Variants in TTC27 observed in about 807,000 individuals in gnomAD.
TTC27 encodes the protein tetratricopeptide repeat protein 27.
Under a neutral mutation model 115.9 loss-of-function variants are expected in TTC27, and 79 were observed. The observed-to-expected ratio is 0.68, with a 90% confidence interval of 0.57 to 0.82. TTC27 has a LOEUF of 0.82. Among genes scored for constraint, TTC27 ranks in the 40% least tolerant of loss-of-function variants. The probability of loss-of-function intolerance (pLI) is 0.00; values close to 1 mark genes in which losing one functional copy is unlikely to be tolerated. For synonymous variants in TTC27, 401 were observed against 356.0 expected (o/e 1.13, Z -1.42); for missense variants, 1,054 against 993.1 (o/e 1.06, Z -0.82).
At chr2:32,709,380 T>C (rs1667498958) in intron 10 of TTC27, among the ~76,000 whole-genome samples, 1 of 152,168 alleles carries the variant, frequency 6.6e-6, no homozygotes, top group African/African-American at 2.4e-5. Context: ...TTGATACAGG[T>C]TCAGTCTCCC....
chr2:32,650,122 T>C lies in TTC27; in HGVS notation c.538-9T>C. ...CTTTTATTTCAGCTTACGTGGTGTT[T>C]TTTCCTAGAGCTTGCCATGGTGGAC... On this transcript the variant is annotated splice_polypyrimidine_tract_variant and intron_variant, in intron 4 of 19. Transcript: ENST00000317907. 6.2e-7 allele frequency: 1 copy of C among 1,611,056 alleles called. No homozygotes were observed. Among genetic ancestry groups the C allele is most frequent in the Non-Finnish European group, 8.5e-7 (1 of 1,178,056 alleles).
At chr2:32,791,645 C>T (rs948758598) in intron 16 of TTC27, among the ~76,000 whole-genome samples, 2 of 152,112 alleles carry the variant, frequency 1.3e-5, no homozygotes, top group African/African-American at 4.8e-5. Flanking sequence ...ATGTCAAAAG[C>T]ACATTTTCCC....
chr2:32,777,345 C>G (rs1197572760), intron 13 of TTC27, among the ~76,000 whole-genome samples: 1 of 152,244 alleles, frequency 6.6e-6, no homozygotes, highest in Non-Finnish European at 1.5e-5. Flanking sequence ...ACCCCAATAC[C>G]AAAATCCATG....
chr2:32,701,377 CT>C (rs1667179765), intron 9 of TTC27, among the ~76,000 whole-genome samples: 2 of 152,110 alleles, frequency 1.3e-5, no homozygotes, highest in African/African-American at 4.8e-5. Context: ...CTTAATTTAG[CT>C]ATTTAAATGA....
chr2:32,701,947 GC>G (rs1667198054), intron 9 of TTC27, among the ~76,000 whole-genome samples: 1 of 151,406 alleles, frequency 6.6e-6, no homozygotes. Context: ...GGAAGCCGAA[GC>G]TGTAGCTTGC....
intron 5 of TTC27, among the ~76,000 whole-genome samples, chr2:32,661,648 C>G (rs1665552213): frequency 6.6e-6 from 1 of 152,182 alleles, no homozygotes; most frequent in South Asian, 2.1e-4. Context: ...AGTTGCTTAT[C>G]AGCTTAAGGA....
intron 16 of TTC27, among the ~76,000 whole-genome samples, chr2:32,808,089 C>A (rs1422700046): frequency 6.6e-6 from 1 of 152,020 alleles, no homozygotes; most frequent in African/African-American, 2.4e-5. Flanking sequence ...CCCACCACCA[C>A]ACCCTGCTAA....
Position 32,736,701 on chromosome 2 carries a change from T to C in TTC27, c.1337T>C (p.Leu446Pro), listed in dbSNP as rs781233187. Residue 446 changes from leucine to proline, a missense_variant, in exon 12 of 20, where the codon CTT becomes CCT. By Grantham distance (98) the Leu-to-Pro change is moderately conservative. Coordinates refer to ENST00000317907, the MANE Select transcript of TTC27 (RefSeq NM_017735.5). The part of the protein sequence containing the change: ...VPPHWAIQRQ[L>P]ASLLFELGCT... The stretch of plus-strand genomic sequence containing the variant: ...TTTACTTGATTTTTCTAGCGCCAAC[T>C]TGCAAGTTTGCTCTTTGAGTTGGGA... 1 of 1,613,826 alleles carries C rather than the reference T, an allele frequency of 6.2e-7. No individual in the cohort carries two copies. Among genetic ancestry groups the C allele is most frequent in the East Asian group, 2.2e-5 (1 of 44,866 alleles).
intron 13 of TTC27, among the ~76,000 whole-genome samples, chr2:32,771,247 A>G (rs1055816958): frequency 1.3e-5 from 2 of 152,222 alleles, no homozygotes; most frequent in African/African-American, 2.4e-5. Context: ...TAGGTGTCTA[A>G]CATATTTCCT....
intron 5 of TTC27, among the ~76,000 whole-genome samples, chr2:32,657,910 G>T (rs1301022339): frequency 6.6e-6 from 1 of 151,842 alleles, no homozygotes; most frequent in Admixed American, 6.6e-5. Flanking sequence ...GCTCACTGCA[G>T]CCTCCACCTT....
At chr2:32,749,228 C>G (rs1210502507) in intron 12 of TTC27, among the ~76,000 whole-genome samples, 1 of 152,170 alleles carries the variant, frequency 6.6e-6, no homozygotes, top group Non-Finnish European at 1.5e-5. Context: ...TTTCACTGAA[C>G]AAGCTTAGAA....
intron 4 of TTC27, among the ~76,000 whole-genome samples, chr2:32,644,399 A>G (rs1430931283): frequency 6.7e-6 from 1 of 150,066 alleles, no homozygotes; most frequent in African/African-American, 2.4e-5. Flanking sequence ...TAATATATAT[A>G]CTGTCAACAA....
At chr2:32,738,274 T>C (rs1019373194) in intron 12 of TTC27, among the ~76,000 whole-genome samples, 12 of 152,206 alleles carry the variant, frequency 7.9e-5, no homozygotes, top group African/African-American at 2.7e-4. Context: ...GTTGCTTTAA[T>C]CTTCCTTGTC....
chr2:32,778,403 G>T (rs1572605062), intron 14 of TTC27, among the ~76,000 whole-genome samples: 1 of 152,194 alleles, frequency 6.6e-6, no homozygotes, highest in South Asian at 2.1e-4. Flanking sequence ...AGTATAGTTA[G>T]AATTGTGCAA....
At chr2:32,670,792 A>AT (rs755752085) in intron 7 of TTC27, among the ~76,000 whole-genome samples, 2 of 151,160 alleles carry the variant, frequency 1.3e-5, no homozygotes, top group South Asian at 4.2e-4. Flanking sequence ...TAATTTTTGT[A>AT]TTTTTGGTAG....
At chr2:32,780,246 G>T in intron 14 of TTC27, 1 of 287,330 alleles carries the variant, frequency 3.5e-6, no homozygotes, top group Non-Finnish European at 7.4e-6. Context: ...GTGAATAAGG[G>T]GAGTACTGCC....
At chr2:32,762,137 C>G (rs900112657) in intron 13 of TTC27, among the ~76,000 whole-genome samples, 1 of 152,172 alleles carries the variant, frequency 6.6e-6, no homozygotes, top group African/African-American at 2.4e-5. Context: ...AACATTTCTA[C>G]TTTTGGTAGA....
rs1387995089 is a variant in TTC27 at position 32,628,102 on chromosome 2, C to A, written c.-191C>A. ...GAGCGTGCGTGTTTTTCCCAGGGTG[C>A]CCCGCGCTGCTGTTATGGCCGCCTC... On this transcript the variant is annotated 5_prime_UTR_variant, in exon 1 of 20. Coordinates refer to ENST00000317907, the MANE Select transcript of TTC27 (RefSeq NM_017735.5). 2 of 564,988 alleles carry A rather than the reference C, an allele frequency of 3.5e-6. No homozygotes were observed. The highest frequency in any genetic ancestry group is 6.2e-6 in the Non-Finnish European group (2 of 320,896). 35.0% of individuals were successfully genotyped at this position (564,988 alleles called of 1,614,324 possible).
chr2:32,760,112 G>GAA (rs899073625), intron 13 of TTC27, among the ~76,000 whole-genome samples: 109 of 151,904 alleles, frequency 7.2e-4, no homozygotes, highest in African/African-American at 2.6e-3. Flanking sequence ...GTTTTACATT[G>GAA]AAAAAAAATC....
Sources: gnomAD v4.1 joint callset for allele counts (sites outside exome capture counted in the v4.1 genomes callset) on GRCh38, gnomAD v4.1.1 for gene constraint, MANE v1.5 for transcripts, NCBI Gene and HGNC (gene_info 2026-07-23, HGNC 2026-07-21) for gene names.